The following MKI67 variants were observed in gnomAD, a reference collection of about 807,000 sequenced individuals.
MKI67 encodes the protein marker of proliferation Ki-67, also known as proliferation marker protein Ki-67.
In MKI67, 152 loss-of-function variants were observed where a neutral mutation model predicts 233.5. That is an observed-to-expected ratio of 0.65 (90% CI 0.57 to 0.74). The LOEUF (loss-of-function observed/expected upper bound fraction) is 0.74, where lower values mean the gene tolerates loss of function less well. Among genes scored for constraint, MKI67 ranks in the 30% least tolerant of loss-of-function variants. MKI67 has a pLI of 0.00. For missense variants in MKI67, 3,940 were observed against 3,885.2 expected, an observed-to-expected ratio of 1.01 and a Z score of -0.37; for synonymous variants, 1,465 against 1,418.5, an observed-to-expected ratio of 1.03 and a Z score of -0.74.
At position 128,106,752 on chromosome 10, in the gene MKI67, C is replaced by T. The variant is rs911838054; in HGVS notation, c.5088G>A (p.Gln1696=). The stretch of plus-strand genomic sequence containing the variant: ...CAGACTTTCCCTTAGGAGTTCTCAG[C>T]TGCCTCTTGCTGCCAGTTAGACTTG... ...SAASLTGSKR[Q]LRTPKGKSEV... The change falls in exon 13 of 15, where the codon CAG becomes CAA. Residue 1696 remains glutamine (Q), a synonymous_variant. Transcript: ENST00000368654. The T allele has an allele frequency of 1.2e-6, 2 of 1,613,960 alleles. No homozygotes were observed. The highest frequency in any genetic ancestry group is 1.7e-5 in the Admixed American group (1 of 59,984).
rs1852412617 is a variant in MKI67, at chr10:128,104,070, T to G, written c.7770A>C (p.Pro2590=). Reference sequence around the variant, plus strand: ...TCGTGGCAGTGTCTGTTAGTTCTGGTGGGGGAGATTTGCAGGGAATTTTTG... The same window carrying G: ...TCGTGGCAGTGTCTGTTAGTTCTGGGGGGGGAGATTTGCAGGGAATTTTTG... The part of the protein sequence containing the change: ...KNTKIPCKSP[P]PELTDTATST... Residue 2590 remains proline (P), a synonymous_variant, in exon 13 of 15, where the codon CCA becomes CCC. Coordinates refer to ENST00000368654, the MANE Select transcript of MKI67 (RefSeq NM_002417.5). 1 of 1,613,824 alleles carries G rather than the reference T, an allele frequency of 6.2e-7. No individual in the cohort carries two copies. Among genetic ancestry groups the G allele is most frequent in the Admixed American group, 1.7e-5 (1 of 59,970 alleles).
chr10:128,099,474 A>G (rs2857039), intron 14 of MKI67, among the ~76,000 whole-genome samples: 11 of 152,238 alleles, frequency 7.2e-5, no homozygotes, highest in East Asian at 5.8e-4. Context: ...TTACACTTAA[A>G]TAATGTGATC....
rs1852986303 is a variant in MKI67, at chr10:128,123,091, C to T, written c.171G>A (p.Glu57=). The change falls in exon 3 of 15, where the codon GAG becomes GAA. Residue 57 remains glutamate, a splice_region_variant and synonymous_variant. Transcript: ENST00000368654. ...QHCKIEIHEQ[E]AILHNFSSTN... Reference sequence around the variant, plus strand: ...GTAGATCTTCAAAAAACCCACTCACCTCCTGCTCATGGATTTCAATTTTGC... The same window carrying T: ...GTAGATCTTCAAAAAACCCACTCACTTCCTGCTCATGGATTTCAATTTTGC... The T allele has an allele frequency of 6.2e-7, 1 of 1,613,320 alleles. No homozygotes were observed. The highest frequency in any genetic ancestry group is 8.5e-7 in the Non-Finnish European group (1 of 1,179,362).
chr10:128,098,901 C>T lies in MKI67; in HGVS notation c.*289G>A, dbSNP rs1164199478. On this transcript the variant is annotated 3_prime_UTR_variant, in exon 15 of 15. Coordinates refer to ENST00000368654, the MANE Select transcript of MKI67 (RefSeq NM_002417.5). ...CACAGTTAAGGCTGCTGTAGGGTGGCTGTGGGTGGTGACAGACCTCAAGGC... is the reference window on the plus strand; with the variant it reads ...CACAGTTAAGGCTGCTGTAGGGTGGTTGTGGGTGGTGACAGACCTCAAGGC... 1.9e-5 allele frequency: 5 copies of T among 257,816 alleles called. No individual in the cohort carries two copies. In the East Asian group the frequency reaches 4.1e-4, roughly 21 times the overall value. The allele number at this position is 257,816 out of a possible 1,614,324, so 16.0% of individuals were successfully genotyped here.
rs34174074 is a variant in MKI67, at chr10:128,108,903, C to T, written c.2937G>A (p.Thr979=). The change falls in exon 13 of 15, where the codon ACG becomes ACA. Residue 979 remains threonine, a synonymous_variant. Transcript: ENST00000368654. The part of the protein sequence containing the change: ...SLPDTELMKD[T]ARGQNLLQTQ... ...TTTGGAGGAGATTCTGGCCACGTGCCGTGTCTTTCATGAGTTCTGTATCAG... is the reference window on the plus strand; with the variant it reads ...TTTGGAGGAGATTCTGGCCACGTGCTGTGTCTTTCATGAGTTCTGTATCAG... 6,428 of 1,614,122 alleles carry T rather than the reference C, an allele frequency of 4.0e-3. 234 individuals are homozygous for T. The African/African-American group carries it at 0.075, about 19-fold the overall frequency.
rs760351727 is a variant in MKI67 at position 128,108,803 on chromosome 10, C to T, written c.3037G>A (p.Glu1013Lys). The T allele has an allele frequency of 3.4e-5, 55 of 1,614,046 alleles. No homozygotes were observed. The highest frequency in any genetic ancestry group is 4.4e-5 in the Non-Finnish European group (52 of 1,180,048). Residue 1013 changes from glutamate to lysine, a missense_variant, in exon 13 of 15, where the codon GAA becomes AAA. By Grantham distance (56) the Glu-to-Lys change is moderately conservative. Coordinates refer to ENST00000368654, the MANE Select transcript of MKI67 (RefSeq NM_002417.5). ...TKMPCQSLQP[E>K]PINTPTHTKQ... ...GTGTGTGTTGGGGTGTTTATTGGTT[C>T]TGGTTGTAATGACTGGCAGGGCATT...
intron 2 of MKI67, among the ~76,000 whole-genome samples, chr10:128,123,770 G>C (rs150804046): frequency 0.01 from 1,568 of 152,112 alleles, 24 homozygotes; most frequent in African/African-American, 0.035. Context: ...ACAGATTCAA[G>C]TCTCTAAACA....
Position 128,106,376 on chromosome 10 carries a change from G to A in MKI67, c.5464C>T (p.Arg1822Cys), listed in dbSNP as rs750568118. Residue 1822 changes from arginine to cysteine, a missense_variant, in exon 13 of 15, where the codon CGT becomes TGT. Physicochemically the swap from Arg to Cys is radical, Grantham distance 180 (BLOSUM62 -3). Coordinates refer to ENST00000368654, the MANE Select transcript of MKI67 (RefSeq NM_002417.5). The stretch of plus-strand genomic sequence containing the variant: ...TCTAGAGCCTGGGCCTTTTCCTTAC[G>A]AGTTTGTAGCCGTCTATTGCTGCCA... ...LPGSNRRLQT[R>C]KEKAQALEEL... 37 of 1,613,604 alleles carry A rather than the reference G, an allele frequency of 2.3e-5. No homozygotes were observed. Among genetic ancestry groups the A allele is most frequent in the African/African-American group, 1.3e-5 (1 of 74,764 alleles).
rs114687140 is a variant in MKI67, at chr10:128,102,802, C to T, written c.9038G>A (p.Arg3013His). Reference sequence around the variant, plus strand: ...AATTTCCTCTGGTGCTGGCATGCAGCGCAGCCTCTTGGTTCCCGTGACGCT... The same window carrying T: ...AATTTCCTCTGGTGCTGGCATGCAGTGCAGCCTCTTGGTTCCCGTGACGCT... ...DGSVTGTKRL[R>H]CMPAPEEIVE... The change falls in exon 13 of 15, where the codon CGC becomes CAC. Residue 3013 changes from arginine to histidine, a missense_variant. Coordinates refer to ENST00000368654, the MANE Select transcript of MKI67 (RefSeq NM_002417.5). 70 of 1,614,172 alleles carry T rather than the reference C, an allele frequency of 4.3e-5. No individual in the cohort carries two copies. The South Asian group carries it at 6.1e-4, about 14-fold the overall frequency.
At chr10:128,109,655 G>T (rs1359973568) in intron 12 of MKI67, among the ~76,000 whole-genome samples, 1 of 152,194 alleles carries the variant, frequency 6.6e-6, no homozygotes, top group Non-Finnish European at 1.5e-5. Flanking sequence ...ATGCTGAAAT[G>T]ATCATAGAAG....
In MKI67 at chr10:128,122,958, T is replaced by C; in HGVS notation, c.210A>G (p.Gln70=). 3 of 1,608,918 alleles carry C rather than the reference T, an allele frequency of 1.9e-6. No homozygotes were observed. The highest frequency in any genetic ancestry group is 2.6e-6 in the Non-Finnish European group (3 of 1,175,962). The part of the protein sequence containing the change: ...LHNFSSTNPT[Q]VNGSVIDEPV... ...GCTCATCAATAACAGACCCATTTAC[T>C]TGTGTTGGATTTGTGGAACTGAAAT... The change falls in exon 4 of 15, where the codon CAA becomes CAG. Residue 70 remains glutamine (Q), a synonymous_variant. Coordinates refer to ENST00000368654, the MANE Select transcript of MKI67 (RefSeq NM_002417.5).
In MKI67 at chr10:128,106,918, C is replaced by A. The variant is rs748388490; in HGVS notation, c.4922G>T (p.Gly1641Val). 9 of 1,613,562 alleles carry A rather than the reference C, an allele frequency of 5.6e-6. No homozygotes were observed. Among genetic ancestry groups the A allele is most frequent in the Non-Finnish European group, 7.6e-6 (9 of 1,179,928 alleles). ...RRLKTSLGKV[G>V]VKEELLAVGK... is the part of the protein sequence containing the mutation. Reference sequence around the variant, plus strand: ...AACTGCTAGGAGCTCTTCTTTCACGCCCACTTTCCCCAGGGATGTCTTGAG... The same window carrying A: ...AACTGCTAGGAGCTCTTCTTTCACGACCACTTTCCCCAGGGATGTCTTGAG... The change falls in exon 13 of 15, where the codon GGC becomes GTC. Residue 1641 changes from glycine to valine, a missense_variant. Gly to Val is a moderately radical substitution (Grantham distance 109, BLOSUM62 -3). Coordinates refer to ENST00000368654, the MANE Select transcript of MKI67 (RefSeq NM_002417.5).
chr10:128,115,042 T>C lies in MKI67; in HGVS notation c.1366A>G (p.Ile456Val). 1 of 1,613,144 alleles carries C rather than the reference T, an allele frequency of 6.2e-7. No individual in the cohort carries two copies. Among genetic ancestry groups the C allele is most frequent in the Non-Finnish European group, 8.5e-7 (1 of 1,179,056 alleles). Residue 456 changes from isoleucine (I) to valine (V), a missense_variant, in exon 7 of 15, where the codon ATC becomes GTC. By Grantham distance (29) the Ile-to-Val change is conservative (BLOSUM62 3). Transcript: ENST00000368654. ...GGCTTGCTGAGGGAATCCTTTTGGA[T>C]CTTCCTCTCAACTTGAGTGAGCCAC... ...TLWLTQVERK[I>V]QKDSLSKPEK... is the part of the protein sequence containing the mutation.
In MKI67 at chr10:128,101,439, C is replaced by T; in HGVS notation, c.9524G>A (p.Gly3175Glu). 2 of 1,614,170 alleles carry T rather than the reference C, an allele frequency of 1.2e-6. No homozygotes were observed. Among genetic ancestry groups the T allele is most frequent in the Non-Finnish European group, 1.7e-6 (2 of 1,180,040 alleles). Residue 3175 changes from glycine to glutamate, a missense_variant, in exon 14 of 15, where the codon GGG becomes GAG. By Grantham distance (98) the Gly-to-Glu change is moderately conservative. Transcript: ENST00000368654. The stretch of plus-strand genomic sequence containing the variant: ...CATGAGAACCTTCGCACTCTTCTGC[C>T]CTCCGCTCTCCTCTGCCACCTTAGG... ...SQPKVAEESGGQKSAKVLMQN... is the reference protein window; with the variant it reads ...SQPKVAEESGEQKSAKVLMQN...
chr10:128,105,124 G>A lies in MKI67; in HGVS notation c.6716C>T (p.Ser2239Phe), dbSNP rs1174240580. Reference protein sequence around the residue: ...VGTPTIFKPQSKRSLRKADVE... With the variant: ...VGTPTIFKPQFKRSLRKADVE... ...GTCTGCTTTCCTGAGACTTCTCTTG[G>A]ACTGTGGCTTGAAGATTGTTGGGGT... Residue 2239 changes from serine (S) to phenylalanine (F), a missense_variant, in exon 13 of 15, where the codon TCC becomes TTC. Ser to Phe is a radical substitution (Grantham distance 155). Transcript: ENST00000368654. 1.1e-5 allele frequency: 18 copies of A among 1,613,360 alleles called. No homozygotes were observed. The highest frequency in any genetic ancestry group is 1.5e-5 in the Non-Finnish European group (18 of 1,179,926).
At position 128,110,511 on chromosome 10, in the gene MKI67, G is replaced by A. The variant is rs767334005; in HGVS notation, c.2283C>T (p.Thr761=). ...DLSGIAEMFK[T]PVKEQPQLTS... is the part of the protein sequence containing the mutation. ...TCAACTGCGGTTGCTCCTTCACTGG[G>A]GTCTTGAACATTTCAGCTATTCCTG... Residue 761 remains threonine, a synonymous_variant, in exon 12 of 15, where the codon ACC becomes ACT. Coordinates refer to ENST00000368654, the MANE Select transcript of MKI67 (RefSeq NM_002417.5). The A allele has an allele frequency of 1.9e-6, 3 of 1,550,910 alleles. No individual in the cohort carries two copies. Among genetic ancestry groups the A allele is most frequent in the Non-Finnish European group, 2.6e-6 (3 of 1,134,672 alleles).
rs1218340193 is a variant in MKI67 at position 128,106,963 on chromosome 10, G to A, written c.4877C>T (p.Pro1626Leu). Residue 1626 changes from proline (P) to leucine (L), a missense_variant, in exon 13 of 15, where the codon CCA becomes CTA. Pro to Leu is a moderately conservative substitution (Grantham distance 98). Transcript: ENST00000368654. ...CTTGAGCCGTCGCTTGGAGCTTGCT[G>A]GGTTTTTGTCTGGGTCTGGTTGTGA... ...KSSQPDPDKN[P>L]ASSKRRLKTS... 1 of 1,614,134 alleles carries A rather than the reference G, an allele frequency of 6.2e-7. No homozygotes were observed.
rs778266526 is a variant in MKI67 at position 128,108,960 on chromosome 10, T to C, written c.2880A>G (p.Pro960=). ...TCTTGAGGTCTGTCAGGTCAGACATTGGTGCACATTTCTGCCCCCAAGTTC... is the reference window on the plus strand; with the variant it reads ...TCTTGAGGTCTGTCAGGTCAGACATCGGTGCACATTTCTGCCCCCAAGTTC... ...RSRTWGQKCA[P]MSDLTDLKSL... Residue 960 remains proline (P), a synonymous_variant, in exon 13 of 15, where the codon CCA becomes CCG. Coordinates refer to ENST00000368654, the MANE Select transcript of MKI67 (RefSeq NM_002417.5). 1 of 1,614,252 alleles carries C rather than the reference T, an allele frequency of 6.2e-7. No individual in the cohort carries two copies. The highest frequency in any genetic ancestry group is 8.5e-7 in the Non-Finnish European group (1 of 1,180,046).
In MKI67 at chr10:128,105,101, C is replaced by A; in HGVS notation, c.6739G>T (p.Asp2247Tyr). ...PQSKRSLRKA[D>Y]VEEESLALRK... ...AGTGCTAAGGATTCTTCCTCTACGT[C>A]TGCTTTCCTGAGACTTCTCTTGGAC... is the stretch of plus-strand genomic sequence containing the variant. Residue 2247 changes from aspartate to tyrosine, a missense_variant, in exon 13 of 15, where the codon GAC (aspartate) becomes TAC (tyrosine). Asp to Tyr is a radical substitution (Grantham distance 160). Coordinates refer to ENST00000368654, the MANE Select transcript of MKI67 (RefSeq NM_002417.5). 1 of 1,614,054 alleles carries A rather than the reference C, an allele frequency of 6.2e-7. No homozygotes were observed. The highest frequency in any genetic ancestry group is 8.5e-7 in the Non-Finnish European group (1 of 1,180,030).
Sources: gnomAD v4.1 joint callset for allele counts (sites outside exome capture counted in the v4.1 genomes callset) on GRCh38, gnomAD v4.1.1 for gene constraint, MANE v1.5 for transcripts, NCBI Gene and HGNC (gene_info 2026-07-23, HGNC 2026-07-21) for gene names.